ZNF780B: variants seen among roughly 807,000 people sequenced by gnomAD.
ZNF780B encodes the protein zinc finger protein 780B.
A neutral mutation model predicts 74.1 loss-of-function variants in ZNF780B; 52 were observed. The ratio of observed to expected loss-of-function variants is 0.70; its 90% CI spans 0.56 to 0.88. The LOEUF (loss-of-function observed/expected upper bound fraction) is 0.88. Among genes scored for constraint, ZNF780B ranks in the 40% least tolerant of loss-of-function variants. ZNF780B has a pLI of 0.00. For synonymous variants in ZNF780B, 315 were observed against 324.3 expected, an observed-to-expected ratio of 0.97 and a Z score of 0.31; for missense variants, 953 against 1,007.6, an observed-to-expected ratio of 0.95 and a Z score of 0.73.
rs973116054 is a variant in ZNF780B at position 40,029,500 on chromosome 19, C to T, written c.*4857G>A. On this transcript the variant is annotated 3_prime_UTR_variant, in exon 5 of 5. Coordinates refer to ENST00000434248, the MANE Select transcript of ZNF780B (RefSeq NM_001005851.3). Reference sequence around the variant, plus strand: ...AATTCAATAAAATACCAAATGCAAACAAGAGCAGATCATAGAAATGTAAGT... The same window carrying T: ...AATTCAATAAAATACCAAATGCAAATAAGAGCAGATCATAGAAATGTAAGT... 1.9e-5 allele frequency: 3 copies of T among 154,760 alleles called. No homozygotes were observed. The highest frequency in any genetic ancestry group is 7.2e-5 in the African/African-American group (3 of 41,500). The allele number at this position is 154,760 out of a possible 1,614,324, so 9.6% of individuals were successfully genotyped here.
Position 40,031,382 on chromosome 19 carries a change from C to T in ZNF780B, c.*2975G>A, listed in dbSNP as rs1346056891. 6.6e-6 allele frequency: 1 copy of T among 152,156 alleles called. No homozygotes were observed. The highest frequency in any genetic ancestry group is 1.5e-5 in the Non-Finnish European group (1 of 68,050). 9.4% of individuals were successfully genotyped at this position (152,156 alleles called of 1,614,324 possible). A position where few individuals can be genotyped will look rare whatever the true frequency, so the allele number is the denominator to read the frequency against. ...GATTACAGGAATGCACCACCATGTC[C>T]AGCTAATTTTTTTATTTTTAGGAGA... is the stretch of plus-strand genomic sequence containing the variant. On this transcript the variant is annotated 3_prime_UTR_variant, in exon 5 of 5. Coordinates refer to ENST00000434248, the MANE Select transcript of ZNF780B (RefSeq NM_001005851.3).
chr19:40,052,473 A>G (rs2144844723), intron 1 of ZNF780B, among the ~76,000 whole-genome samples: 1 of 152,238 alleles, frequency 6.6e-6, no homozygotes, highest in East Asian at 1.9e-4. Flanking sequence ...TTTCCATAGT[A>G]CTTCAATACA....
At chr19:40,050,196 CAAAAAAAAAAAAAAAAA>C in intron 2 of ZNF780B, 111 bp downstream of exon 2, 2 of 391,030 alleles carry the variant, frequency 5.1e-6, no homozygotes, top group Admixed American at 7.5e-5. Flanking sequence ...GACTCCGTCT[CAAAAAAAAAAAAAAAAA>C]AAAAAAAAAA....
At position 40,030,692 on chromosome 19, in the gene ZNF780B, A is replaced by G. The variant is rs1020508654; in HGVS notation, c.*3665T>C. 6.6e-6 allele frequency: 1 copy of G among 152,222 alleles called. No individual in the cohort carries two copies. Among genetic ancestry groups the G allele is most frequent in the African/African-American group, 2.4e-5 (1 of 41,452 alleles). 9.4% of individuals were successfully genotyped at this position (152,222 alleles called of 1,614,324 possible). A position where few individuals can be genotyped will look rare whatever the true frequency, so the allele number is the denominator to read the frequency against. On this transcript the variant is annotated 3_prime_UTR_variant, in exon 5 of 5. Transcript: ENST00000434248. ...GTTTGCAAAGGGACTCTGACTTCCA[A>G]CATAGTACTGCCATGATTGCATGAT...
intron 4 of ZNF780B, among the ~76,000 whole-genome samples, chr19:40,037,857 G>A (rs930609564): frequency 6.8e-6 from 1 of 146,386 alleles, no homozygotes; most frequent in Non-Finnish European, 1.5e-5. Flanking sequence ...TTTGCTCTTT[G>A]TAACAAACAT....
At chr19:40,036,920 T>C (rs1310986564) in intron 4 of ZNF780B, among the ~76,000 whole-genome samples, 1 of 152,030 alleles carries the variant, frequency 6.6e-6, no homozygotes, top group African/African-American at 2.4e-5. Context: ...CTTTTTTTTT[T>C]TTTTTAAGAC....
rs1372764699 is a variant in ZNF780B at position 40,031,914 on chromosome 19, T to G, written c.*2443A>C. ...TACGGCGGTTACCAGCTTACCCAAA[T>G]GATCATCCTTAGTTTCACTAATGCA... On this transcript the variant is annotated 3_prime_UTR_variant, in exon 5 of 5. Transcript: ENST00000434248. 8 of 329,138 alleles carry G rather than the reference T, an allele frequency of 2.4e-5. No homozygotes were observed. In the East Asian group the frequency reaches 5.3e-4, roughly 22 times the overall value. The allele number at this position is 329,138 out of a possible 1,614,324, so 20.4% of individuals were successfully genotyped here.
intron 1 of ZNF780B, among the ~76,000 whole-genome samples, chr19:40,054,328 G>A (rs78703100): frequency 0.01 from 1,570 of 152,206 alleles, 14 homozygotes; most frequent in East Asian, 0.05. Flanking sequence ...ACACAACAAC[G>A]TATCTACTAT....
chr19:40,049,790 T>C (rs930640635), intron 2 of ZNF780B, among the ~76,000 whole-genome samples: 3 of 152,196 alleles, frequency 2.0e-5, no homozygotes, highest in African/African-American at 7.2e-5. Flanking sequence ...CTGAATAACC[T>C]GCTCAAAGAA....
intron 4 of ZNF780B, among the ~76,000 whole-genome samples, chr19:40,042,530 C>T (rs1972696675): frequency 6.6e-6 from 1 of 152,250 alleles, no homozygotes; most frequent in Non-Finnish European, 1.5e-5. Flanking sequence ...CCGTCACTTT[C>T]AGGTACACCA....
rs1311172888 is a variant in ZNF780B at position 40,034,539 on chromosome 19, T to A, written c.2320A>T (p.Ile774Phe). 6.2e-7 allele frequency: 1 copy of A among 1,613,724 alleles called. No individual in the cohort carries two copies. Among genetic ancestry groups the A allele is most frequent in the East Asian group, 2.2e-5 (1 of 44,864 alleles). ...RGSNLVQPQS[I>F]HTGEKPYECK... ...TCATAGGGTTTCTCACCAGTATGAA[T>A]ACTCTGAGGTTGAACAAGGTTTGAG... is the stretch of plus-strand genomic sequence containing the variant. The change falls in exon 5 of 5, where the codon ATT becomes TTT. Residue 774 changes from isoleucine to phenylalanine, a missense_variant. Coordinates refer to ENST00000434248, the MANE Select transcript of ZNF780B (RefSeq NM_001005851.3).
intron 4 of ZNF780B, among the ~76,000 whole-genome samples, chr19:40,041,242 C>T (rs1024183302): frequency 6.6e-6 from 1 of 152,124 alleles, no homozygotes; most frequent in Non-Finnish European, 1.5e-5. Context: ...ATCCTGAGTT[C>T]TGGTTTGATT....
chr19:40,037,166 T>C (rs1271157589), intron 4 of ZNF780B, among the ~76,000 whole-genome samples: 1 of 151,908 alleles, frequency 6.6e-6, no homozygotes, highest in South Asian at 2.1e-4. Flanking sequence ...CCACCCACCC[T>C]GGCCTCCCAA....
At chr19:40,050,526 T>A in intron 1 of ZNF780B, 149 bp from the exon 2 acceptor site, 1 of 840,620 alleles carries the variant, frequency 1.2e-6, no homozygotes, top group Non-Finnish European at 1.8e-6. Flanking sequence ...CCTTTTTCCC[T>A]ACACACACTC....
intron 4 of ZNF780B, among the ~76,000 whole-genome samples, chr19:40,037,913 TA>T (rs1972425662): frequency 6.7e-6 from 1 of 149,952 alleles, no homozygotes; most frequent in African/African-American, 2.4e-5. Context: ...TATATTTTTT[TA>T]ATTTTATTAT....
rs1440281038 is a variant in ZNF780B at position 40,049,223 on chromosome 19, G to A, written c.10-427C>T. Among the ~76,000 whole-genome samples the A allele has an allele frequency of 3.7e-5, 4 of 107,580 alleles. No homozygotes were observed. The East Asian group carries it at 1.2e-3, about 31-fold the overall frequency. The allele number at this position is 107,580 out of a possible 152,430, so 70.6% of individuals were successfully genotyped here. A position where few individuals can be genotyped will look rare whatever the true frequency, so the allele number is the denominator to read the frequency against. On this transcript the variant is annotated intron_variant, in intron 2 of 4. Coordinates refer to ENST00000434248, the MANE Select transcript of ZNF780B (RefSeq NM_001005851.3). ...CACTCCAGCCTGGGCTACAGAGTGAGACCCTATCTCAAAAAAAAAAAAAAA... is the reference window on the plus strand; with the variant it reads ...CACTCCAGCCTGGGCTACAGAGTGAAACCCTATCTCAAAAAAAAAAAAAAA...
At chr19:40,043,894 A>G (rs1972797227) in intron 4 of ZNF780B, among the ~76,000 whole-genome samples, 1 of 152,210 alleles carries the variant, frequency 6.6e-6, no homozygotes, top group Non-Finnish European at 1.5e-5. Context: ...GCTTGCACAC[A>G]GTGCGCTGCA....
intron 2 of ZNF780B, chr19:40,049,008 G>A: frequency 1.6e-6 from 1 of 618,236 alleles, no homozygotes; most frequent in Middle Eastern, 2.7e-4. Context: ...AGGACTGCTT[G>A]AGCCCAGGAG....
chr19:40,038,761 T>A (rs1349456936), intron 4 of ZNF780B, among the ~76,000 whole-genome samples: 4 of 152,198 alleles, frequency 2.6e-5, no homozygotes, highest in Non-Finnish European at 5.9e-5. Flanking sequence ...TTGATGGGGT[T>A]GTTTTTTTCT....
Sources: gnomAD v4.1 joint callset for allele counts (sites outside exome capture counted in the v4.1 genomes callset) on GRCh38, gnomAD v4.1.1 for gene constraint, MANE v1.5 for transcripts, NCBI Gene and HGNC (gene_info 2026-07-23, HGNC 2026-07-21) for gene names.